NFIX: variants seen among roughly 807,000 people sequenced by gnomAD.
NFIX encodes nuclear factor 1 X-type.
In NFIX, 2 loss-of-function variants were observed where a neutral mutation model predicts 53.3. The ratio of observed to expected loss-of-function variants is 0.04; its 90% confidence interval spans 0.02 to 0.12. NFIX has a LOEUF of 0.12. NFIX is among the 10% of genes least tolerant of loss of function. NFIX has a pLI of 1.00. For synonymous variants in NFIX, 244 were observed against 289.0 expected, an observed-to-expected ratio of 0.84 and a Z score of 1.58; for missense variants, 310 against 674.5, an observed-to-expected ratio of 0.46 and a Z score of 5.99.
Position 13,025,194 on chromosome 19 carries a change from C to G in NFIX, c.201C>G (p.Ile67Met). ...KDELLGEKPE[I>M]KQKWASRLLA... ...AGCTGCTGGGCGAGAAGCCCGAGAT[C>G]AAGCAGAAGTGGGCATCCCGGCTGC... Residue 67 changes from isoleucine (I) to methionine (M), a missense_variant, in exon 2 of 11, where the codon ATC becomes ATG. Physicochemically the swap from Ile to Met is conservative, Grantham distance 10. Coordinates refer to ENST00000592199, the MANE Select transcript of NFIX (RefSeq NM_001365902.3). This position sits in a 1 kb window ranked among gnomAD's most constrained non-coding sequence, Gnocchi z 7.5. 1.2e-6 allele frequency: 2 copies of G among 1,614,190 alleles called. No individual in the cohort carries two copies. The highest frequency in any genetic ancestry group is 1.7e-6 in the Non-Finnish European group (2 of 1,180,032).
intron 1 of NFIX, among the ~76,000 whole-genome samples, chr19:13,023,097 T>TCTCTCTCTCTCC (rs2013042338): frequency 6.6e-6 from 1 of 150,708 alleles, no homozygotes; most frequent in African/African-American, 2.4e-5. Context: ...TCTCTCTCTC[T>TCTCTCTCTCTCC]GTCTCTTTCT....
At position 13,073,840 on chromosome 19, in the gene NFIX, C is replaced by T; in HGVS notation, c.698-66C>T. ...TGGGCTTCTGGGAAGCTGTTCATGACAAAGAAACAGACCCCATCAGGCCTC... is the reference window on the plus strand; with the variant it reads ...TGGGCTTCTGGGAAGCTGTTCATGATAAAGAAACAGACCCCATCAGGCCTC... On this transcript the variant is annotated intron_variant, in intron 4 of 10. Transcript: ENST00000592199. The surrounding 1 kb of genome is among the most constrained non-coding windows in gnomAD (Gnocchi z 4.5). 4 of 1,607,490 alleles carry T rather than the reference C, an allele frequency of 2.5e-6. No individual in the cohort carries two copies. Among genetic ancestry groups the T allele is most frequent in the Non-Finnish European group, 3.4e-6 (4 of 1,175,614 alleles).
rs1272701389 is a variant in NFIX at position 13,022,492 on chromosome 19, T to TC, written c.28-2528dup. ...GGAAGTACTGCTGGCATGGACACTTTCTGAGCTCTCTTTCTTCTTATTTCT... is the reference window on the plus strand; with the variant it reads ...GGAAGTACTGCTGGCATGGACACTTTCCTGAGCTCTCTTTCTTCTTATTTCT... On this transcript the variant is annotated intron_variant, in intron 1 of 10. Coordinates refer to ENST00000592199, the MANE Select transcript of NFIX (RefSeq NM_001365902.3). This position sits in a 1 kb window ranked among gnomAD's most constrained non-coding sequence, Gnocchi z 4.5. Among the ~76,000 whole-genome samples, 4 of 152,102 alleles carry TC rather than the reference T, an allele frequency of 2.6e-5. No individual in the cohort carries two copies. The highest frequency in any genetic ancestry group is 9.7e-5 in the African/African-American group (4 of 41,412).
intron 2 of NFIX, among the ~76,000 whole-genome samples, chr19:13,053,481 C>T (rs960677936): frequency 6.6e-6 from 1 of 152,174 alleles, no homozygotes; most frequent in Non-Finnish European, 1.5e-5. Context: ...CCCTCCCTTC[C>T]GCCTGGAGGC....
chr19:13,064,221 ACT>A (rs2016265969), intron 2 of NFIX, among the ~76,000 whole-genome samples: 1 of 151,998 alleles, frequency 6.6e-6, no homozygotes, highest in African/African-American at 2.4e-5. Context: ...CCATCACATG[ACT>A]CTTGGCCCCA....
rs2018388830 is a variant in NFIX, at chr19:13,095,470, A to C, written c.*821A>C. Reference sequence around the variant, plus strand: ...CGACGGCCTCGTCCCAGCCTGGGACAGGCCCCCTTTCCCCTCTCTCTGCAG... The same window carrying C: ...CGACGGCCTCGTCCCAGCCTGGGACCGGCCCCCTTTCCCCTCTCTCTGCAG... On this transcript the variant is annotated 3_prime_UTR_variant, in exon 11 of 11. Transcript: ENST00000592199. The C allele has an allele frequency of 6.6e-6, 1 of 152,308 alleles. No individual in the cohort carries two copies. Among genetic ancestry groups the C allele is most frequent in the South Asian group, 2.1e-4 (1 of 4,838 alleles). 9.4% of individuals were successfully genotyped at this position (152,308 alleles called of 1,614,324 possible). A position where few individuals can be genotyped will look rare whatever the true frequency, so the allele number is the denominator to read the frequency against.
In NFIX at chr19:13,006,511, G is replaced by A. The variant is rs536225329; in HGVS notation, c.27+10647G>A. On this transcript the variant is annotated intron_variant, in intron 1 of 10. Transcript: ENST00000592199. The surrounding 1 kb of genome is among the most constrained non-coding windows in gnomAD (Gnocchi z 5.6). ...GGGGCTTGATGGGCACTGGGTATTC[G>A]CAACCCTGCTGCTCTGAGCTGGGGG... Among the ~76,000 whole-genome samples, 4 of 152,324 alleles carry A rather than the reference G, an allele frequency of 2.6e-5. No individual in the cohort carries two copies. The highest frequency in any genetic ancestry group is 2.1e-4 in the South Asian group (1 of 4,828).
intron 1 of NFIX, among the ~76,000 whole-genome samples, chr19:13,007,378 C>T (rs185178955): frequency 8.0e-4 from 122 of 152,302 alleles, no homozygotes; most frequent in African/African-American, 2.8e-3. Context: ...TCGCTCCATC[C>T]ACCCCTTCAT....
At position 13,096,415 on chromosome 19, in the gene NFIX, G is replaced by C. The variant is rs1599897146; in HGVS notation, c.*1766G>C. The C allele has an allele frequency of 6.6e-6, 1 of 152,214 alleles. No individual in the cohort carries two copies. The highest frequency in any genetic ancestry group is 2.4e-5 in the African/African-American group (1 of 41,436). 9.4% of individuals were successfully genotyped at this position (152,214 alleles called of 1,614,324 possible). A position where few individuals can be genotyped will look rare whatever the true frequency, so the allele number is the denominator to read the frequency against. On this transcript the variant is annotated 3_prime_UTR_variant, in exon 11 of 11. Coordinates refer to ENST00000592199, the MANE Select transcript of NFIX (RefSeq NM_001365902.3). ...GAGGTCAGCGACCTGGGGCCGTAGC[G>C]GCAGGCGAACGGTGCCTGCTACCCA... is the stretch of plus-strand genomic sequence containing the variant.
intron 1 of NFIX, among the ~76,000 whole-genome samples, chr19:13,010,309 G>T (rs2012266381): frequency 6.6e-6 from 1 of 152,184 alleles, no homozygotes; most frequent in African/African-American, 2.4e-5. Flanking sequence ...GCAAGCACTC[G>T]CACACCCCCT....
Position 13,072,935 on chromosome 19 carries a change from A to G in NFIX, c.560-112A>G. On this transcript the variant is annotated intron_variant, in intron 2 of 10. Coordinates refer to ENST00000592199, the MANE Select transcript of NFIX (RefSeq NM_001365902.3). The surrounding 1 kb of genome is among the most constrained non-coding windows in gnomAD (Gnocchi z 4.0). ...GAGAGGGTGGGGTGAAGGTTTCTGT[A>G]GCCAGGGTGGGCCGTCCCTGCTCTT... is the stretch of plus-strand genomic sequence containing the variant. The G allele has an allele frequency of 9.7e-7, 1 of 1,030,288 alleles. No individual in the cohort carries two copies. The highest frequency in any genetic ancestry group is 1.5e-6 in the Non-Finnish European group (1 of 650,480). 63.8% of individuals were successfully genotyped at this position (1,030,288 alleles called of 1,614,324 possible).
rs145272752 is a variant in NFIX, at chr19:13,002,735, G to A, written c.27+6871G>A. 2.0e-5 allele frequency among the ~76,000 whole-genome samples: 3 copies of A among 152,174 alleles called. No individual in the cohort carries two copies. The highest frequency in any genetic ancestry group is 2.9e-5 in the Non-Finnish European group (2 of 68,012). ...GGAGGCGGGTAGCGGGCACTGCGGCGCTCTGCAGCCAATCGGAAGCCGGGG... is the reference window on the plus strand; with the variant it reads ...GGAGGCGGGTAGCGGGCACTGCGGCACTCTGCAGCCAATCGGAAGCCGGGG... On this transcript the variant is annotated intron_variant, in intron 1 of 10. Transcript: ENST00000592199. The surrounding 1 kb of genome is among the most constrained non-coding windows in gnomAD (Gnocchi z 6.1).
In NFIX at chr19:13,039,494, T is replaced by C. The variant is rs141658330; in HGVS notation, c.559+13942T>C. Among the ~76,000 whole-genome samples, 1,144 of 152,282 alleles carry C rather than the reference T, an allele frequency of 7.5e-3. 49 individuals are homozygous for C. Among genetic ancestry groups the C allele is most frequent in the Admixed American group, 0.061 (933 of 15,298 alleles). ...CCTGGTGAGCCTGAGCTCTGCTACC[T>C]TGCCTGTGAATGGGGCAGAAGGCAT... On this transcript the variant is annotated intron_variant, in intron 2 of 10. Coordinates refer to ENST00000592199, the MANE Select transcript of NFIX (RefSeq NM_001365902.3).
chr19:13,084,801 G>A (rs1599868408), intron 8 of NFIX, among the ~76,000 whole-genome samples: 1 of 152,046 alleles, frequency 6.6e-6, no homozygotes, highest in African/African-American at 2.4e-5. Context: ...CGGGCGCGGT[G>A]GCTTATACCT....
Position 13,081,964 on chromosome 19 carries a change from C to A in NFIX, c.1254+109C>A. 7.4e-7 allele frequency: 1 copy of A among 1,350,264 alleles called. No individual in the cohort carries two copies. Among genetic ancestry groups the A allele is most frequent in the Non-Finnish European group, 1.0e-6 (1 of 977,806 alleles). 83.6% of individuals were successfully genotyped at this position (1,350,264 alleles called of 1,614,324 possible). A position where few individuals can be genotyped will look rare whatever the true frequency, so the allele number is the denominator to read the frequency against. On this transcript the variant is annotated intron_variant, in intron 8 of 10. Coordinates refer to ENST00000592199, the MANE Select transcript of NFIX (RefSeq NM_001365902.3). This position sits in a 1 kb window ranked among gnomAD's most constrained non-coding sequence, Gnocchi z 4.7. ...CCAAAAGCCAGGAGCCCACCTGGGG[C>A]TGGAGCAGCAGGGAGCTGGTAGTAC...
intron 2 of NFIX, among the ~76,000 whole-genome samples, chr19:13,030,066 G>A (rs2013685084): frequency 6.6e-6 from 1 of 152,222 alleles, no homozygotes; most frequent in African/African-American, 2.4e-5. Flanking sequence ...CATGGACCCT[G>A]TGCCGCCTCA....
rs2018290784 is a variant in NFIX, at chr19:13,093,959, G to GC, written c.1495-671dup. ...AAGGCCCTGTCTGTGGGAAGGCAGC[G>GC]CCCCCTGCTGGCGATATGAAGGAAA... On this transcript the variant is annotated intron_variant, in intron 10 of 10. Coordinates refer to ENST00000592199, the MANE Select transcript of NFIX (RefSeq NM_001365902.3). The surrounding 1 kb of genome is among the most constrained non-coding windows in gnomAD (Gnocchi z 4.7). Among the ~76,000 whole-genome samples the GC allele has an allele frequency of 1.3e-5, 2 of 152,178 alleles. No homozygotes were observed. Among genetic ancestry groups the GC allele is most frequent in the East Asian group, 3.9e-4 (2 of 5,158 alleles).
At chr19:13,055,060 C>G (rs2015568183) in intron 2 of NFIX, among the ~76,000 whole-genome samples, 1 of 151,966 alleles carries the variant, frequency 6.6e-6, no homozygotes, top group Non-Finnish European at 1.5e-5. Context: ...CCTTCCTTCT[C>G]TCTCTCCCCC....
chr19:13,076,484 A>G (rs1347880037), intron 6 of NFIX, among the ~76,000 whole-genome samples: 1 of 152,142 alleles, frequency 6.6e-6, no homozygotes. Flanking sequence ...GCATGAGCAC[A>G]TGTGTGTGAG....
Sources: allele counts gnomAD v4.1 joint callset (sites outside exome capture counted in the v4.1 genomes callset), GRCh38; gene constraint gnomAD v4.1.1; non-coding constraint Gnocchi (gnomAD v3.1); transcripts MANE v1.5; gene names NCBI Gene and HGNC (gene_info 2026-07-23, HGNC 2026-07-21).